AADACL4: variants seen among roughly 807,000 people sequenced by gnomAD.
The protein encoded by AADACL4 is arylacetamide deacetylase like 4, also known as arylacetamide deacetylase-like 4.
AADACL4 carries 9 observed loss-of-function variants against 14.1 expected under a neutral mutation model. The observed-to-expected ratio is 0.64, with a 90% CI of 0.39 to 1.12. The LOEUF is 1.12. AADACL4 is among the 50% of genes most tolerant of loss of function. The pLI, the probability that AADACL4 is intolerant of heterozygous loss-of-function variation, is 0.01. For missense variants in AADACL4, 531 were observed against 516.1 expected (o/e 1.03, Z -0.28); for synonymous variants, 188 against 201.6 (o/e 0.93, Z 0.57).
chr1:12,652,373 T>A (rs932427629), intron 2 of AADACL4, among the ~76,000 whole-genome samples: 1 of 152,188 alleles, frequency 6.6e-6, no homozygotes, highest in African/African-American at 2.4e-5. Flanking sequence ...ACCCCTGTCA[T>A]TGCATGGCTG....
At chr1:12,649,276 A>G (rs1647130523) in intron 1 of AADACL4, among the ~76,000 whole-genome samples, 1 of 152,176 alleles carries the variant, frequency 6.6e-6, no homozygotes, top group Non-Finnish European at 1.5e-5. Flanking sequence ...TTGGTGTCCA[A>G]CCACCTGCTG....
chr1:12,644,479 C>A lies in AADACL4; in HGVS notation c.-68C>A, dbSNP rs941841866. ...GGAGGAGGCGGAGGGTGTAACCCAG[C>A]CAGGTCCTCTTCACATAAGCTATCA... On this transcript the variant is annotated 5_prime_UTR_variant, in exon 1 of 4. Coordinates refer to ENST00000376221, the MANE Select transcript of AADACL4 (RefSeq NM_001013630.2). 7.0e-6 allele frequency: 11 copies of A among 1,564,608 alleles called. No individual in the cohort carries two copies. The highest frequency in any genetic ancestry group is 4.1e-5 in the African/African-American group (3 of 73,980).
At position 12,651,580 on chromosome 1, in the gene AADACL4, TG is replaced by T. The variant is rs566280384; in HGVS notation, c.385+243del. Among the ~76,000 whole-genome samples, 525 of 152,264 alleles carry T rather than the reference TG, an allele frequency of 3.4e-3. 3 individuals are homozygous for T. Among genetic ancestry groups the T allele is most frequent in the African/African-American group, 0.012 (501 of 41,548 alleles). On this transcript the variant is annotated intron_variant, in intron 2 of 3. Transcript: ENST00000376221. Reference sequence around the variant, plus strand: ...GTCTCAGTCAAGATGGGGACAGCAGTGGTCATGGTGGGGCTGTCGCAGAGGC... The same window carrying T: ...GTCTCAGTCAAGATGGGGACAGCAGTGTCATGGTGGGGCTGTCGCAGAGGC...
Position 12,644,448 on chromosome 1 carries a change from T to C in AADACL4, c.-99T>C. The C allele has an allele frequency of 7.3e-7, 1 of 1,369,700 alleles. No individual in the cohort carries two copies. The highest frequency in any genetic ancestry group is 1.4e-5 in the South Asian group (1 of 73,736). 84.8% of individuals were successfully genotyped at this position (1,369,700 alleles called of 1,614,324 possible). On this transcript the variant is annotated 5_prime_UTR_variant, in exon 1 of 4. Coordinates refer to ENST00000376221, the MANE Select transcript of AADACL4 (RefSeq NM_001013630.2). ...GGTGTCAGGCTTAGCCCAGAGAGAGTGAGGTGGAGGAGGCGGAGGGTGTAA... is the reference window on the plus strand; with the variant it reads ...GGTGTCAGGCTTAGCCCAGAGAGAGCGAGGTGGAGGAGGCGGAGGGTGTAA...
At chr1:12,644,770 T>A (rs1647099527) in intron 1 of AADACL4, 56 bp downstream of exon 1, 6 of 1,545,656 alleles carry the variant, frequency 3.9e-6, no homozygotes, top group African/African-American at 1.4e-5. Context: ...TTGTTCTCAG[T>A]ACCTTACCCT....
chr1:12,647,165 C>T (rs1647117082), intron 1 of AADACL4, among the ~76,000 whole-genome samples: 1 of 150,908 alleles, frequency 6.6e-6, no homozygotes, highest in African/African-American at 2.4e-5. Flanking sequence ...GTGAACACGG[C>T]TCACTGCAGC....
chr1:12,658,702 GC>G (rs1247401055), intron 2 of AADACL4, among the ~76,000 whole-genome samples: 1 of 121,146 alleles, frequency 8.3e-6, no homozygotes, highest in Admixed American at 8.8e-5. Flanking sequence ...GCCCTGCCCT[GC>G]CCCCCGTGTA....
chr1:12,644,402 CTG>C lies in AADACL4; in HGVS notation c.-141_-140del. On this transcript the variant is annotated 5_prime_UTR_variant, in exon 1 of 4. Coordinates refer to ENST00000376221, the MANE Select transcript of AADACL4 (RefSeq NM_001013630.2). Reference sequence around the variant, plus strand: ...GCCTTTTTGTGCTTACCCTGAGAAGCTGTGTCAGGCCACTGTGTCAGGTGTCA... The same window carrying C: ...GCCTTTTTGTGCTTACCCTGAGAAGCTGTCAGGCCACTGTGTCAGGTGTCA... The C allele has an allele frequency of 1.1e-6, 1 of 877,456 alleles. No homozygotes were observed. The highest frequency in any genetic ancestry group is 1.7e-6 in the Non-Finnish European group (1 of 585,724). 54.4% of individuals were successfully genotyped at this position (877,456 alleles called of 1,614,324 possible).
chr1:12,661,655 C>T, intron 2 of AADACL4, 136 bp from the exon 3 acceptor site: 2 of 910,668 alleles, frequency 2.2e-6, no homozygotes, highest in South Asian at 2.8e-5. Context: ...TCTGTCCAGG[C>T]AGAGGAGGCA....
intron 1 of AADACL4, among the ~76,000 whole-genome samples, chr1:12,646,899 C>A (rs1040326256): frequency 6.6e-6 from 1 of 152,008 alleles, no homozygotes; most frequent in Admixed American, 6.5e-5. Context: ...TCATTCGGTT[C>A]CAGAGGACAG....
chr1:12,647,286 A>G (rs1647117775), intron 1 of AADACL4, among the ~76,000 whole-genome samples: 1 of 152,028 alleles, frequency 6.6e-6, no homozygotes, highest in East Asian at 1.9e-4. Flanking sequence ...TTTTGTACAG[A>G]TGGGGTCTTG....
At chr1:12,652,419 C>T (rs1036676816) in intron 2 of AADACL4, among the ~76,000 whole-genome samples, 3 of 152,236 alleles carry the variant, frequency 2.0e-5, no homozygotes, top group African/African-American at 7.2e-5. Flanking sequence ...TCTCAACTGT[C>T]CCTCCCCAGA....
At chr1:12,653,476 C>T (rs183257806) in intron 2 of AADACL4, among the ~76,000 whole-genome samples, 2 of 152,298 alleles carry the variant, frequency 1.3e-5, no homozygotes, top group East Asian at 3.9e-4. Flanking sequence ...AATTATACAG[C>T]CGGATAGCCT....
At chr1:12,648,403 T>G (rs189867681) in intron 1 of AADACL4, among the ~76,000 whole-genome samples, 1 of 150,940 alleles carries the variant, frequency 6.6e-6, no homozygotes, top group Admixed American at 6.6e-5. Flanking sequence ...CTTTCCTTCT[T>G]TCCTTTTTTT....
At chr1:12,657,074 C>CA (rs1470733808) in intron 2 of AADACL4, among the ~76,000 whole-genome samples, 1 of 138,422 alleles carries the variant, frequency 7.2e-6, no homozygotes, top group Non-Finnish European at 1.5e-5. Flanking sequence ...GCCCGGGAGG[C>CA]AGAGGTTGCA....
At chr1:12,661,734 G>A (rs1647231483) in intron 2 of AADACL4, 57 bp from the exon 3 acceptor site, 3 of 1,541,336 alleles carry the variant, frequency 1.9e-6, no homozygotes, top group Non-Finnish European at 2.7e-6. Context: ...GGGGGCTGTG[G>A]TGAGATGGTT....
Position 12,666,403 on chromosome 1 carries a change from G to A in AADACL4, c.892G>A (p.Gly298Ser). 6.2e-7 allele frequency: 1 copy of A among 1,614,126 alleles called. No individual in the cohort carries two copies. The highest frequency in any genetic ancestry group is 8.5e-7 in the Non-Finnish European group (1 of 1,180,048). ...CATCCCCAAGAAATTTAAGAACAGAGGCTACCAACCCTGGTCTCCCGGCCC... is the reference window on the plus strand; with the variant it reads ...CATCCCCAAGAAATTTAAGAACAGAAGCTACCAACCCTGGTCTCCCGGCCC... The part of the protein sequence containing the change: ...DNIPKKFKNR[G>S]YQPWSPGPFN... The change falls in exon 4 of 4, where the codon GGC becomes AGC. Residue 298 changes from glycine (G) to serine (S), a missense_variant. By Grantham distance (56) the Gly-to-Ser change is moderately conservative. Transcript: ENST00000376221.
In AADACL4 at chr1:12,666,120, C is replaced by T; in HGVS notation, c.609C>T (p.Thr203=). The change falls in exon 4 of 4, where the codon ACC becomes ACT. Residue 203 remains threonine, a synonymous_variant. Transcript: ENST00000376221. ...GAGGTGCAGCGGTGGCCGCCATCAC[C>T]CAGGCCTTGGTGGGCAGATCAGATC... ...SVGGAAVAAI[T]QALVGRSDLP... The T allele has an allele frequency of 6.2e-7, 1 of 1,614,200 alleles. No homozygotes were observed.
chr1:12,660,835 GGTT>G (rs1647221120), intron 2 of AADACL4, among the ~76,000 whole-genome samples: 1 of 152,008 alleles, frequency 6.6e-6, no homozygotes, highest in African/African-American at 2.4e-5. Context: ...GTAGAGACGG[GGTT>G]TCACCATACT....
Sources: allele counts gnomAD v4.1 joint callset (sites outside exome capture counted in the v4.1 genomes callset), GRCh38; gene constraint gnomAD v4.1.1; transcripts MANE v1.5; gene names NCBI Gene and HGNC (gene_info 2026-07-23, HGNC 2026-07-21).